Variants in NUP62CL observed in about 807,000 individuals in gnomAD.
NUP62CL encodes nucleoporin 62 C-terminal like, also known as nucleoporin-62 C-terminal-like protein.
In NUP62CL, 13 loss-of-function variants were observed where a neutral mutation model predicts 15.3. The observed-to-expected ratio is 0.85, with a 90% CI of 0.55 to 1.35. NUP62CL has a LOEUF of 1.35. Among genes scored for constraint, NUP62CL ranks in the 40% most tolerant of loss-of-function variants. NUP62CL has a pLI of 0.00. For synonymous variants in NUP62CL, 54 were observed against 49.2 expected (o/e 1.10, Z -0.41); for missense variants, 123 against 130.6 (o/e 0.94, Z 0.28).
intron 8 of NUP62CL, among the ~76,000 whole-genome samples, chrX:107,130,056 G>A (rs1925477165): frequency 9.0e-6 from 1 of 111,371 alleles, no homozygotes; most frequent in Admixed American, 9.5e-5. Flanking sequence ...GAAAATAGGA[G>A]AGAAATTAAA....
At chrX:107,127,952 T>C (rs905229599) in intron 8 of NUP62CL, among the ~76,000 whole-genome samples, 15 of 112,055 alleles carry the variant, frequency 1.3e-4, no homozygotes, top group Admixed American at 1.0e-3. Flanking sequence ...TGGCAAAGAA[T>C]GATCATGGTG....
intron 4 of NUP62CL, among the ~76,000 whole-genome samples, chrX:107,164,436 G>A (rs534434718): frequency 9.0e-6 from 1 of 110,537 alleles, no homozygotes; most frequent in African/African-American, 3.3e-5. Context: ...ATACCTCAAC[G>A]AACTAGAAAA....
At chrX:107,160,057 AG>A (rs1926317463) in intron 4 of NUP62CL, among the ~76,000 whole-genome samples, 2 of 89,635 alleles carry the variant, frequency 2.2e-5, no homozygotes, top group South Asian at 1.3e-3. Flanking sequence ...TAAAATACCT[AG>A]GAATCCAACT....
intron 7 of NUP62CL, among the ~76,000 whole-genome samples, chrX:107,152,055 T>G (rs1486621146): frequency 1.5e-5 from 1 of 68,951 alleles, no homozygotes; most frequent in Non-Finnish European, 2.4e-5. Context: ...TTCAGATATA[T>G]ATATATATAT....
At chrX:107,197,382 A>T (rs1452795396) in intron 1 of NUP62CL, among the ~76,000 whole-genome samples, 2 of 110,922 alleles carry the variant, frequency 1.8e-5, no homozygotes, top group Non-Finnish European at 3.8e-5. Context: ...TTACTTTATT[A>T]AAAAATGGGA....
At chrX:107,129,487 C>G (rs757760991) in intron 8 of NUP62CL, among the ~76,000 whole-genome samples, 2 of 112,126 alleles carry the variant, frequency 1.8e-5, no homozygotes, top group Admixed American at 9.5e-5. Flanking sequence ...AGCCTACAAG[C>G]TGAACACTAA....
intron 7 of NUP62CL, among the ~76,000 whole-genome samples, chrX:107,148,848 C>G (rs1925944823): frequency 9.0e-6 from 1 of 111,309 alleles, no homozygotes; most frequent in Non-Finnish European, 1.9e-5. Flanking sequence ...ACACATAGCT[C>G]CTATTTTTCT....
At chrX:107,144,972 C>T (rs1422668817) in intron 8 of NUP62CL, among the ~76,000 whole-genome samples, 1 of 111,417 alleles carries the variant, frequency 9.0e-6, no homozygotes, top group African/African-American at 3.3e-5. Flanking sequence ...AAGATACAGA[C>T]TCAGAGAGAT....
chrX:107,128,025 A>C (rs1169761388), intron 8 of NUP62CL, among the ~76,000 whole-genome samples: 1 of 112,067 alleles, frequency 8.9e-6, no homozygotes, highest in East Asian at 2.8e-4. Flanking sequence ...GGTCCCCCCA[A>C]TGAATTTCTG....
chrX:107,152,053 T>C (rs867752896), intron 7 of NUP62CL, among the ~76,000 whole-genome samples: 1 of 66,483 alleles, frequency 1.5e-5, no homozygotes, highest in Non-Finnish European at 2.4e-5. Context: ...TATTCAGATA[T>C]ATATATATAT....
intron 7 of NUP62CL, 52 bp downstream of exon 7, chrX:107,153,120 C>T: frequency 2.7e-6 from 3 of 1,109,614 alleles, no homozygotes; most frequent in Non-Finnish European, 3.6e-6. Flanking sequence ...CTGGAATGCT[C>T]TCAGAATACG....
intron 8 of NUP62CL, among the ~76,000 whole-genome samples, chrX:107,124,769 T>G (rs1925350426): frequency 9.0e-6 from 1 of 111,650 alleles, no homozygotes; most frequent in African/African-American, 3.3e-5. Flanking sequence ...TGGTGGTTCT[T>G]AAATTTTCTC....
chrX:107,168,242 A>G (rs1220246793), intron 3 of NUP62CL, among the ~76,000 whole-genome samples: 1 of 111,907 alleles, frequency 8.9e-6, no homozygotes, highest in East Asian at 2.8e-4. Flanking sequence ...AAGTGTCAGC[A>G]TGCTCTAAAT....
intron 8 of NUP62CL, among the ~76,000 whole-genome samples, chrX:107,130,690 G>T (rs1925494397): frequency 9.0e-6 from 1 of 111,418 alleles, no homozygotes; most frequent in African/African-American, 3.3e-5. Flanking sequence ...TGGCAGAGAT[G>T]AATCAAAGAG....
At chrX:107,145,594 G>A (rs1925866486) in intron 8 of NUP62CL, among the ~76,000 whole-genome samples, 1 of 110,891 alleles carries the variant, frequency 9.0e-6, no homozygotes, top group African/African-American at 3.3e-5. Context: ...AAATAACATA[G>A]CCTGAATCTT....
chrX:107,181,245 G>A (rs756141331), intron 2 of NUP62CL, among the ~76,000 whole-genome samples: 1 of 110,197 alleles, frequency 9.1e-6, no homozygotes, highest in Non-Finnish European at 1.9e-5. Flanking sequence ...AAGTAACCAA[G>A]GATTTTTTTC....
chrX:107,173,989 G>A (rs1926708963), intron 3 of NUP62CL, among the ~76,000 whole-genome samples: 1 of 108,475 alleles, frequency 9.2e-6, no homozygotes, highest in African/African-American at 3.4e-5. Flanking sequence ...AGAAAAAATT[G>A]CCTAAGACAT....
chrX:107,204,871 T>TGC (rs1927623291), intron 1 of NUP62CL, among the ~76,000 whole-genome samples: 1 of 82,213 alleles, frequency 1.2e-5, no homozygotes, highest in African/African-American at 6.5e-5. Context: ...TTAAATAAAT[T>TGC]ATTTAAATAA....
chrX:107,198,125 T>C (rs1263417010), intron 1 of NUP62CL, among the ~76,000 whole-genome samples: 1 of 111,763 alleles, frequency 8.9e-6, no homozygotes, highest in Admixed American at 9.5e-5. Flanking sequence ...ATCAGCACTC[T>C]GTCTAGCTAA....
Sources: gnomAD v4.1 joint callset for allele counts (sites outside exome capture counted in the v4.1 genomes callset) on GRCh38, gnomAD v4.1.1 for gene constraint, MANE v1.5 for transcripts, NCBI Gene and HGNC (gene_info 2026-07-23, HGNC 2026-07-21) for gene names.